AFAP1: variants seen among roughly 807,000 people sequenced by gnomAD.
The protein encoded by AFAP1 is actin filament associated protein 1.
Under a neutral mutation model 93.9 loss-of-function variants are expected in AFAP1, and 75 were observed. The ratio of observed to expected loss-of-function variants is 0.80; its 90% CI spans 0.66 to 0.97. The LOEUF is 0.97. Ranked by LOEUF, AFAP1 falls within the 50% of genes least tolerant of loss-of-function variation. The pLI is 0.00. For synonymous variants in AFAP1, 517 were observed against 430.7 expected (o/e 1.20, Z -2.48); for missense variants, 1,201 against 1,050.8 (o/e 1.14, Z -1.98).
intron 11 of AFAP1, among the ~76,000 whole-genome samples, chr4:7,791,292 C>T (rs967324902): frequency 6.6e-6 from 1 of 152,276 alleles, no homozygotes; most frequent in East Asian, 1.9e-4. Flanking sequence ...ATTCACTTCC[C>T]TCACCCCAGT....
intron 9 of AFAP1, chr4:7,809,332 C>T (rs1431994418): frequency 1.5e-5 from 3 of 206,558 alleles, no homozygotes; most frequent in East Asian, 2.2e-4. Flanking sequence ...CCTTTAAAAA[C>T]ACTTCCAAGG....
intron 4 of AFAP1, 126 bp downstream of exon 4, chr4:7,855,340 C>G (rs1714926088): frequency 2.8e-6 from 2 of 711,326 alleles, no homozygotes; most frequent in Admixed American, 6.2e-5. Flanking sequence ...TCTTTGGGTT[C>G]AAAAAGTACT....
chr4:7,939,824 G>T lies in AFAP1; in HGVS notation c.-171C>A. The stretch of plus-strand genomic sequence containing the variant: ...CCGCTCGAGATCCGGCTCGGCTCGC[G>T]GAGCTGCAGCCGGCGTGGGGCTGCG... On this transcript the variant is annotated 5_prime_UTR_variant, in exon 1 of 18. Transcript: ENST00000420658. This position sits in a 1 kb window ranked among gnomAD's most constrained non-coding sequence, Gnocchi z 5.6. 6.8e-6 allele frequency: 2 copies of T among 293,806 alleles called. No homozygotes were observed. The highest frequency in any genetic ancestry group is 5.3e-5 in the South Asian group (2 of 37,848). 18.2% of individuals were successfully genotyped at this position (293,806 alleles called of 1,614,324 possible).
chr4:7,840,279 T>C (rs62289295), intron 5 of AFAP1, among the ~76,000 whole-genome samples: 3 of 67,606 alleles, frequency 4.4e-5, no homozygotes, highest in Non-Finnish European at 9.7e-5. Flanking sequence ...TGTGTGTGTG[T>C]GTGTGTGTTC....
intron 4 of AFAP1, among the ~76,000 whole-genome samples, chr4:7,850,860 A>T (rs905223201): frequency 6.6e-6 from 1 of 152,194 alleles, no homozygotes; most frequent in African/African-American, 2.4e-5. Context: ...GTTTGACCTC[A>T]TGGATTATCG....
chr4:7,899,401 C>T (rs1235157890), intron 1 of AFAP1, among the ~76,000 whole-genome samples: 3 of 152,180 alleles, frequency 2.0e-5, no homozygotes, highest in African/African-American at 7.2e-5. Flanking sequence ...AACCGTTTGT[C>T]AGTCAGTGCT....
Position 7,759,878 on chromosome 4 carries a change from C to T in AFAP1, c.*3887G>A, listed in dbSNP as rs141056486. On this transcript the variant is annotated 3_prime_UTR_variant, in exon 18 of 18. Transcript: ENST00000420658. ...TGCCTTTTCTCTGGATGGCAGTCGCCGGCCACACTGCAGGCTGCCCATCCT... is the reference window on the plus strand; with the variant it reads ...TGCCTTTTCTCTGGATGGCAGTCGCTGGCCACACTGCAGGCTGCCCATCCT... 0.015 allele frequency: 2,353 copies of T among 152,388 alleles called. 64 individuals are homozygous for T. Among genetic ancestry groups the T allele is most frequent in the Admixed American group, 0.056 (865 of 15,310 alleles). 9.4% of individuals were successfully genotyped at this position (152,388 alleles called of 1,614,324 possible).
chr4:7,799,416 C>T (rs1436556732), intron 10 of AFAP1, among the ~76,000 whole-genome samples: 1 of 152,184 alleles, frequency 6.6e-6, no homozygotes, highest in Admixed American at 6.5e-5. Flanking sequence ...GACTGCCTGA[C>T]TGGGCAGCCG....
Position 7,759,676 on chromosome 4 carries a change from C to A in AFAP1, c.*4089G>T, listed in dbSNP as rs1239498892. On this transcript the variant is annotated 3_prime_UTR_variant, in exon 18 of 18. Transcript: ENST00000420658. ...AGAGGAAGGCAATAGTTTAGTTTAACATTGAAACATTGCCACGACCTTTAT... is the reference window on the plus strand; with the variant it reads ...AGAGGAAGGCAATAGTTTAGTTTAAAATTGAAACATTGCCACGACCTTTAT... 6.6e-6 allele frequency: 1 copy of A among 152,628 alleles called. No individual in the cohort carries two copies. The highest frequency in any genetic ancestry group is 1.5e-5 in the Non-Finnish European group (1 of 68,054). The allele number at this position is 152,628 out of a possible 1,614,324, so 9.5% of individuals were successfully genotyped here.
intron 14 of AFAP1, 173 bp from the exon 15 acceptor site, chr4:7,775,076 G>C: frequency 1.4e-6 from 1 of 731,496 alleles, no homozygotes; most frequent in Non-Finnish European, 2.2e-6. Flanking sequence ...GGGAGCTTGA[G>C]GCTGCAGTGA....
chr4:7,897,665 C>A (rs765320210), intron 1 of AFAP1, among the ~76,000 whole-genome samples: 10 of 151,986 alleles, frequency 6.6e-5, no homozygotes, highest in Non-Finnish European at 1.2e-4. Flanking sequence ...CTGGGAACAC[C>A]AGCGTGCACT....
chr4:7,904,150 C>G (rs1332813971), intron 1 of AFAP1, among the ~76,000 whole-genome samples: 1 of 152,072 alleles, frequency 6.6e-6, no homozygotes, highest in Non-Finnish European at 1.5e-5. Flanking sequence ...CAAATCAAGA[C>G]AAGCTGTCCC....
At chr4:7,881,009 C>T (rs993709082) in intron 1 of AFAP1, among the ~76,000 whole-genome samples, 2 of 152,170 alleles carry the variant, frequency 1.3e-5, no homozygotes, top group African/African-American at 4.8e-5. Flanking sequence ...TTGCTACAAC[C>T]AACACAGTTG....
chr4:7,870,960 G>T (rs963204131), intron 2 of AFAP1, among the ~76,000 whole-genome samples: 1 of 152,136 alleles, frequency 6.6e-6, no homozygotes, highest in Non-Finnish European at 1.5e-5. Flanking sequence ...AGGTTTAAAA[G>T]AAAAATCCTC....
rs368193861 is a variant in AFAP1, at chr4:7,781,444, G to T, written c.1714C>A (p.Pro572Thr). Residue 572 changes from proline (P) to threonine (T), a missense_variant, in exon 13 of 18, where the codon CCT becomes ACT. Coordinates refer to ENST00000420658, the MANE Select transcript of AFAP1 (RefSeq NM_001134647.2). ...TTAGTGACAGACTGAGCGGAGGCAGGGTATTTGTAATGGTTAGAGGACAGC... is the reference window on the plus strand; with the variant it reads ...TTAGTGACAGACTGAGCGGAGGCAGTGTATTTGTAATGGTTAGAGGACAGC... ...DKLSSNHYKYPASAQSVTNTS... is the reference protein window; with the variant it reads ...DKLSSNHYKYTASAQSVTNTS... The T allele has an allele frequency of 6.4e-7, 1 of 1,552,006 alleles. No individual in the cohort carries two copies. Among genetic ancestry groups the T allele is most frequent in the Non-Finnish European group, 8.7e-7 (1 of 1,147,084 alleles).
At chr4:7,925,405 T>G (rs186835056) in intron 1 of AFAP1, among the ~76,000 whole-genome samples, 123 of 152,350 alleles carry the variant, frequency 8.1e-4, no homozygotes, top group African/African-American at 2.8e-3. Context: ...TACTTCATCT[T>G]TCCACTTTAG....
At chr4:7,891,728 T>C (rs1348551448) in intron 1 of AFAP1, among the ~76,000 whole-genome samples, 1 of 108,674 alleles carries the variant, frequency 9.2e-6, no homozygotes, top group African/African-American at 3.5e-5. Flanking sequence ...GTTGAACTTA[T>C]AAATATGGTC....
intron 1 of AFAP1, among the ~76,000 whole-genome samples, chr4:7,888,933 G>A (rs559159487): frequency 4.1e-4 from 62 of 152,018 alleles, no homozygotes; most frequent in African/African-American, 1.3e-3. Context: ...TGGGATTACA[G>A]GTGCCCACCA....
chr4:7,890,079 T>C (rs576703483), intron 1 of AFAP1, among the ~76,000 whole-genome samples: 5 of 145,832 alleles, frequency 3.4e-5, no homozygotes, highest in South Asian at 2.2e-4. Flanking sequence ...AGAACACAAA[T>C]TGGCCAAACG....
Sources: allele counts gnomAD v4.1 joint callset (sites outside exome capture counted in the v4.1 genomes callset), GRCh38; gene constraint gnomAD v4.1.1; non-coding constraint Gnocchi (gnomAD v3.1); transcripts MANE v1.5; gene names NCBI Gene and HGNC (gene_info 2026-07-23, HGNC 2026-07-21).